The following RANBP3 variants were observed in gnomAD, a reference collection of about 807,000 sequenced individuals.
The protein encoded by RANBP3 is RAN binding protein 3.
Under a neutral mutation model 77.3 loss-of-function variants are expected in RANBP3, and 14 were observed. The ratio of observed to expected loss-of-function variants is 0.18; its 90% confidence interval spans 0.12 to 0.28. The LOEUF is 0.28. Among genes scored for constraint, RANBP3 ranks in the 10% least tolerant of loss-of-function variants. The pLI is 1.00. For synonymous variants in RANBP3, 315 were observed against 312.4 expected, an observed-to-expected ratio of 1.01 and a Z score of -0.09; for missense variants, 586 against 752.3, an observed-to-expected ratio of 0.78 and a Z score of 2.59.
intron 5 of RANBP3, among the ~76,000 whole-genome samples, chr19:5,937,544 C>G (rs1322253335): frequency 6.6e-6 from 1 of 152,126 alleles, no homozygotes; most frequent in Non-Finnish European, 1.5e-5. Context: ...ACTCATGGAG[C>G]TGACTGGAGA....
rs1198359527 is a variant in RANBP3 at position 5,931,422 on chromosome 19, A to G, written c.675T>C (p.Asp225=). The G allele has an allele frequency of 1.2e-6, 2 of 1,612,376 alleles. No homozygotes were observed. Among genetic ancestry groups the G allele is most frequent in the Non-Finnish European group, 1.7e-6 (2 of 1,179,182 alleles). The change falls in exon 8 of 17, where the codon GAT becomes GAC. Residue 225 remains aspartate (D), a synonymous_variant. Transcript: ENST00000340578. ...AAWRSPSEAA[D]EVCALEEKEP... ...CACTGACCTCAAGTGCACACACCTC[A>G]TCGGCAGCTTCGGAAGGACTTCTCC... is the stretch of plus-strand genomic sequence containing the variant.
At position 5,941,505 on chromosome 19, in the gene RANBP3, C is replaced by A. The variant is rs145592428; in HGVS notation, c.406+116G>T. On this transcript the variant is annotated intron_variant, in intron 5 of 16. Coordinates refer to ENST00000340578, the MANE Select transcript of RANBP3 (RefSeq NM_007322.3). The stretch of plus-strand genomic sequence containing the variant: ...TCCTGACAGAGCCCGAGCCTCAGAT[C>A]GACTCTAACCGGAGCTGGGCAGGAA... 21 of 911,264 alleles carry A rather than the reference C, an allele frequency of 2.3e-5. No homozygotes were observed. In the African/African-American group the frequency reaches 3.3e-4, roughly 14 times the overall value. 56.4% of individuals were successfully genotyped at this position (911,264 alleles called of 1,614,324 possible).
rs370615730 is a variant in RANBP3, at chr19:5,939,561, A to AT, written c.406+2059dup. 5.3e-4 allele frequency among the ~76,000 whole-genome samples: 81 copies of AT among 152,348 alleles called. 1 individual carries two copies. The highest frequency in any genetic ancestry group is 1.9e-3 in the African/African-American group (80 of 41,594). On this transcript the variant is annotated intron_variant, in intron 5 of 16. Transcript: ENST00000340578. The stretch of plus-strand genomic sequence containing the variant: ...AGATGGCTCGCAGAAGCTTGATGGC[A>AT]TAAAAACATTGTTTTTTGAAACTGT...
chr19:5,939,054 G>A (rs997167955), intron 5 of RANBP3, among the ~76,000 whole-genome samples: 4 of 151,550 alleles, frequency 2.6e-5, no homozygotes, highest in African/African-American at 9.7e-5. Context: ...GCATTGTGGT[G>A]TGCGCCTGTA....
At chr19:5,918,785 C>T (rs2057779649) in intron 14 of RANBP3, 147 bp from the exon 15 acceptor site, 3 of 1,046,908 alleles carry the variant, frequency 2.9e-6, no homozygotes, top group Admixed American at 5.2e-5. Context: ...CAGAGCAAGA[C>T]TTCTCCCTGA....
chr19:5,931,601 AGG>A lies in RANBP3; in HGVS notation c.566-72_566-71del. 3 of 1,531,692 alleles carry A rather than the reference AGG, an allele frequency of 2.0e-6. No individual in the cohort carries two copies. The South Asian group carries it at 3.6e-5, about 18-fold the overall frequency. 94.9% of individuals were successfully genotyped at this position (1,531,692 alleles called of 1,614,324 possible). Reference sequence around the variant, plus strand: ...CCTCCCACCCCCACTCACATAGCTGAGGGGCTGGGCCACGTCTAGTCTAGGGC... The same window carrying A: ...CCTCCCACCCCCACTCACATAGCTGAGGCTGGGCCACGTCTAGTCTAGGGC... On this transcript the variant is annotated intron_variant, in intron 7 of 16. Transcript: ENST00000340578.
chr19:5,936,910 T>C (rs2058071572), intron 5 of RANBP3, among the ~76,000 whole-genome samples: 1 of 150,956 alleles, frequency 6.6e-6, no homozygotes, highest in Admixed American at 6.6e-5. Context: ...GTGCTCAGAG[T>C]ATCCCACGGG....
Position 5,959,910 on chromosome 19 carries a change from C to T in RANBP3, c.23-1937G>A, listed in dbSNP as rs536792087. 6.6e-6 allele frequency among the ~76,000 whole-genome samples: 1 copy of T among 152,272 alleles called. No homozygotes were observed. The highest frequency in any genetic ancestry group is 2.4e-5 in the African/African-American group (1 of 41,546). ...ACCCCATTTTCTTTAGGGAGCTACC[C>T]ACCCCTCGTCCCCCTGTCCCCCAGT... On this transcript the variant is annotated intron_variant, in intron 1 of 16. Coordinates refer to ENST00000340578, the MANE Select transcript of RANBP3 (RefSeq NM_007322.3). The surrounding 1 kb of genome is among the most constrained non-coding windows in gnomAD (Gnocchi z 5.1).
In RANBP3 at chr19:5,917,476, C is replaced by G; in HGVS notation, c.*134G>C. 1 of 1,030,562 alleles carries G rather than the reference C, an allele frequency of 9.7e-7. No individual in the cohort carries two copies. Among genetic ancestry groups the G allele is most frequent in the South Asian group, 1.6e-5 (1 of 62,990 alleles). The allele number at this position is 1,030,562 out of a possible 1,614,324, so 63.8% of individuals were successfully genotyped here. A position where few individuals can be genotyped will look rare whatever the true frequency, so the allele number is the denominator to read the frequency against. On this transcript the variant is annotated 3_prime_UTR_variant, in exon 17 of 17. Coordinates refer to ENST00000340578, the MANE Select transcript of RANBP3 (RefSeq NM_007322.3). ...CTGCTTTTGAACAGGACGTGCGGGT[C>G]CAGACTGTGGCCGGCCCAGTGGGGT...
intron 1 of RANBP3, among the ~76,000 whole-genome samples, chr19:5,975,942 A>C (rs1046364644): frequency 7.9e-5 from 12 of 152,006 alleles, no homozygotes; most frequent in African/African-American, 2.9e-4. Flanking sequence ...GTGGCGAGAG[A>C]GAAGGACAGG....
chr19:5,937,596 T>C (rs558282478), intron 5 of RANBP3, among the ~76,000 whole-genome samples: 1 of 152,364 alleles, frequency 6.6e-6, no homozygotes, highest in East Asian at 1.9e-4. Context: ...AGAGAAATTC[T>C]TCTGTAAGTG....
intron 6 of RANBP3, 53 bp from the exon 7 acceptor site, chr19:5,932,597 G>A: frequency 6.7e-7 from 1 of 1,486,810 alleles, no homozygotes; most frequent in Non-Finnish European, 9.4e-7. Flanking sequence ...CCTGCCCCCA[G>A]GCGCTTCAGA....
At position 5,952,605 on chromosome 19, in the gene RANBP3, A is replaced by G. The variant is rs2058288815; in HGVS notation, c.79-1009T>C. Among the ~76,000 whole-genome samples the G allele has an allele frequency of 6.6e-6, 1 of 152,200 alleles. No homozygotes were observed. Among genetic ancestry groups the G allele is most frequent in the Non-Finnish European group, 1.5e-5 (1 of 68,038 alleles). ...CGCACTCGGTGACCTACATGACTAC[A>G]GGGCTGCCCCGTCTCCCCGTGGACG... On this transcript the variant is annotated intron_variant, in intron 2 of 16. Coordinates refer to ENST00000340578, the MANE Select transcript of RANBP3 (RefSeq NM_007322.3). This position sits in a 1 kb window ranked among gnomAD's most constrained non-coding sequence, Gnocchi z 4.1.
At chr19:5,954,579 CT>C (rs2058313613) in intron 2 of RANBP3, among the ~76,000 whole-genome samples, 1 of 152,026 alleles carries the variant, frequency 6.6e-6, no homozygotes, top group Non-Finnish European at 1.5e-5. Flanking sequence ...CAGTGTCACT[CT>C]TTTCCAAGGA....
intron 3 of RANBP3, among the ~76,000 whole-genome samples, chr19:5,949,750 G>C (rs2058251803): frequency 6.6e-6 from 1 of 152,198 alleles, no homozygotes; most frequent in Non-Finnish European, 1.5e-5. Flanking sequence ...AGGATGCTGA[G>C]ATCTACCTGG....
At chr19:5,925,038 C>T (rs1226725408) in intron 10 of RANBP3, 133 bp from the exon 11 acceptor site, 6 of 810,866 alleles carry the variant, frequency 7.4e-6, no homozygotes, top group African/African-American at 1.7e-5. Context: ...CACGGGGTGG[C>T]GTGTCAGAGG....
chr19:5,972,636 G>A (rs1280045509), intron 1 of RANBP3, among the ~76,000 whole-genome samples: 1 of 152,186 alleles, frequency 6.6e-6, no homozygotes, highest in Non-Finnish European at 1.5e-5. Flanking sequence ...GAGGAACGGC[G>A]CTCTCTTCTC....
intron 14 of RANBP3, among the ~76,000 whole-genome samples, chr19:5,918,860 G>A (rs953785137): frequency 1.3e-5 from 2 of 152,192 alleles, no homozygotes; most frequent in Non-Finnish European, 1.5e-5. Context: ...ACCACTGAAG[G>A]CCACAACTGC....
chr19:5,954,744 T>G (rs1178427429), intron 2 of RANBP3, among the ~76,000 whole-genome samples: 1 of 152,148 alleles, frequency 6.6e-6, no homozygotes, highest in Non-Finnish European at 1.5e-5. Context: ...CAAGAGAGAA[T>G]GAAACCATAA....
Sources: allele counts gnomAD v4.1 joint callset (sites outside exome capture counted in the v4.1 genomes callset), GRCh38; gene constraint gnomAD v4.1.1; non-coding constraint Gnocchi (gnomAD v3.1); transcripts MANE v1.5; gene names NCBI Gene and HGNC (gene_info 2026-07-23, HGNC 2026-07-21).